Variants in EXOC3L2 observed in about 807,000 individuals in gnomAD.
The protein encoded by EXOC3L2 is exocyst complex component 3-like protein 2.
A neutral mutation model predicts 44.4 loss-of-function variants in EXOC3L2; 17 were observed. The observed-to-expected ratio is 0.38, with a 90% confidence interval of 0.26 to 0.57. The LOEUF is 0.57. EXOC3L2 is among the 20% of genes least tolerant of loss of function. The probability of loss-of-function intolerance (pLI) is 0.65; values close to 1 mark genes in which losing one functional copy is unlikely to be tolerated. For synonymous variants in EXOC3L2, 256 were observed against 253.7 expected (o/e 1.01, Z -0.09); for missense variants, 541 against 588.4 (o/e 0.92, Z 0.83).
chr19:45,215,382 G>A (rs1969821970), intron 11 of EXOC3L2, among the ~76,000 whole-genome samples: 1 of 151,956 alleles, frequency 6.6e-6, no homozygotes, highest in African/African-American at 2.4e-5. Flanking sequence ...GAGGTGGGAG[G>A]GCTGCTTGAG....
chr19:45,244,497 G>A (rs1970154384), intron 1 of EXOC3L2, among the ~76,000 whole-genome samples: 1 of 151,796 alleles, frequency 6.6e-6, no homozygotes, highest in Non-Finnish European at 1.5e-5. Context: ...TCCAACACCC[G>A]CCTCTGCAAA....
intron 10 of EXOC3L2, among the ~76,000 whole-genome samples, 175 bp from the exon 11 acceptor site, chr19:45,216,369 A>G (rs936918244): frequency 5.9e-5 from 9 of 152,258 alleles, no homozygotes; most frequent in Middle Eastern, 6.8e-3. Context: ...ACTAGAGGTC[A>G]GGACATCGAG....
At chr19:45,240,491 T>C (rs1475548065) in intron 1 of EXOC3L2, among the ~76,000 whole-genome samples, 2 of 152,064 alleles carry the variant, frequency 1.3e-5, no homozygotes, top group African/African-American at 2.4e-5. Flanking sequence ...GAGTGGCTGC[T>C]AATGGATGCA....
intron 8 of EXOC3L2, among the ~76,000 whole-genome samples, chr19:45,222,196 C>A (rs1969905089): frequency 6.7e-6 from 1 of 149,488 alleles, no homozygotes; most frequent in Non-Finnish European, 1.5e-5. Context: ...GGTTGTTTTT[C>A]TCTCCTTTTT....
chr19:45,236,185 G>A (rs187310041), intron 2 of EXOC3L2, among the ~76,000 whole-genome samples: 43 of 152,100 alleles, frequency 2.8e-4, no homozygotes, highest in African/African-American at 1.0e-3. Context: ...AAAGATTGAT[G>A]TGAAGGCCGA....
intron 4 of EXOC3L2, among the ~76,000 whole-genome samples, chr19:45,230,823 G>A (rs942263498): frequency 2.0e-5 from 3 of 151,632 alleles, no homozygotes; most frequent in African/African-American, 7.3e-5. Context: ...GGTGACTCAT[G>A]CTTATACTCC....
chr19:45,226,221 G>A (rs1418628629), intron 7 of EXOC3L2, among the ~76,000 whole-genome samples: 5 of 152,094 alleles, frequency 3.3e-5, no homozygotes, highest in South Asian at 2.1e-4. Flanking sequence ...TGGGTCAAGC[G>A]CCCAGTGTTT....
chr19:45,234,780 C>T lies in EXOC3L2; in HGVS notation c.570G>A (p.Ala190=). Residue 190 remains alanine, a synonymous_variant, in exon 3 of 12, where the codon GCG becomes GCA. Coordinates refer to ENST00000413988, the MANE Select transcript of EXOC3L2 (RefSeq NM_001382422.1). The surrounding 1 kb of genome is among the most constrained non-coding windows in gnomAD (Gnocchi z 5.0). ...SLIQQRELAR[A]DEHILELEAE... The stretch of plus-strand genomic sequence containing the variant: ...CCTCTAGCTCCAGGATGTGCTCGTC[C>T]GCACGCGCTAGTTCGCGCTGCTGGA... 2.5e-6 allele frequency: 1 copy of T among 396,460 alleles called. No individual in the cohort carries two copies. The highest frequency in any genetic ancestry group is 4.5e-6 in the Non-Finnish European group (1 of 224,638). The allele number at this position is 396,460 out of a possible 1,614,324, so 24.6% of individuals were successfully genotyped here.
In EXOC3L2 at chr19:45,228,255, C is replaced by A. The variant is rs1381077175; in HGVS notation, c.1281G>T (p.Arg427=). 2 of 1,614,016 alleles carry A rather than the reference C, an allele frequency of 1.2e-6. No homozygotes were observed. Among genetic ancestry groups the A allele is most frequent in the Non-Finnish European group, 1.7e-6 (2 of 1,180,006 alleles). ...CCTGCAGCACACGGAGAAGGGCAGC[C>A]CGGGTCTGAGCCTACAGTAGGGAGA... The part of the protein sequence containing the change: ...ECVTDVKAQT[R]AALLRVLQED... Residue 427 remains arginine (R), a synonymous_variant, in exon 5 of 12, where the codon CGG becomes CGT. Transcript: ENST00000413988.
intron 10 of EXOC3L2, among the ~76,000 whole-genome samples, 193 bp from the exon 11 acceptor site, chr19:45,216,387 TG>T (rs1363914827): frequency 4.6e-5 from 7 of 152,044 alleles, no homozygotes; most frequent in African/African-American, 1.7e-4. Flanking sequence ...GAGACCAACC[TG>T]GCCAGTATGG....
At chr19:45,213,418 C>T (rs1969800486) in intron 11 of EXOC3L2, 61 bp from the exon 12 acceptor site, 5 of 1,587,036 alleles carry the variant, frequency 3.2e-6, no homozygotes, top group Non-Finnish European at 4.3e-6. Flanking sequence ...ACACCCAACC[C>T]AGCCGTGGAC....
At chr19:45,216,032 G>A (rs375381519) in intron 11 of EXOC3L2, 41 bp downstream of exon 11, 17 of 1,607,558 alleles carry the variant, frequency 1.1e-5, no homozygotes, top group East Asian at 4.5e-5. Flanking sequence ...AGGAGACCTC[G>A]GCCAGGCACG....
Position 45,213,156 on chromosome 19 carries a change from G to A in EXOC3L2, c.2322C>T (p.Leu774=). ...TGGGCCTGGCCAGCCGGGAGAGGGG[G>A]AGGCGGCCCAGGAAGAGAGGGAGGC... ...CLSLPLFLGR[L]PLSRLARPSL... is the part of the protein sequence containing the mutation. Residue 774 remains leucine, a synonymous_variant, in exon 12 of 12, where the codon CTC becomes CTT. Transcript: ENST00000413988. 6.3e-7 allele frequency: 1 copy of A among 1,591,580 alleles called. No homozygotes were observed. Among genetic ancestry groups the A allele is most frequent in the Non-Finnish European group, 8.6e-7 (1 of 1,169,478 alleles).
intron 2 of EXOC3L2, among the ~76,000 whole-genome samples, chr19:45,238,000 A>G (rs1219503339): frequency 6.6e-6 from 1 of 151,980 alleles, no homozygotes; most frequent in Non-Finnish European, 1.5e-5. Flanking sequence ...AAAATTATCC[A>G]GGTGGCACAT....
At chr19:45,219,413 A>AAAAAAAG (rs1404154051) in intron 8 of EXOC3L2, among the ~76,000 whole-genome samples, 1 of 150,668 alleles carries the variant, frequency 6.6e-6, no homozygotes, top group Non-Finnish European at 1.5e-5. Flanking sequence ...AAAAAAAAAA[A>AAAAAAAG]AGAGAAAAAG....
chr19:45,227,343 G>C (rs769949405), intron 7 of EXOC3L2, among the ~76,000 whole-genome samples: 1 of 151,352 alleles, frequency 6.6e-6, no homozygotes, highest in African/African-American at 2.4e-5. Flanking sequence ...GGATGGTCTC[G>C]ATCTCCTGAC....
At chr19:45,242,423 T>A (rs1970137925) in intron 1 of EXOC3L2, among the ~76,000 whole-genome samples, 1 of 151,942 alleles carries the variant, frequency 6.6e-6, no homozygotes, top group Admixed American at 6.6e-5. Context: ...TTTTATTGTT[T>A]AATTTTTTGT....
intron 1 of EXOC3L2, among the ~76,000 whole-genome samples, chr19:45,244,740 C>G (rs1970156486): frequency 6.6e-6 from 1 of 152,142 alleles, no homozygotes; most frequent in African/African-American, 2.4e-5. Flanking sequence ...CCATCACCTC[C>G]AACGCTCAGC....
chr19:45,219,393 C>CAAAAAAAA (rs950797638), intron 8 of EXOC3L2, among the ~76,000 whole-genome samples: 614 of 51,472 alleles, frequency 0.012, 19 homozygotes, highest in African/African-American at 0.04. Context: ...GGCCCCGTCT[C>CAAAAAAAA]AAAAAAAAAA....
Sources: gnomAD v4.1 joint callset for allele counts (sites outside exome capture counted in the v4.1 genomes callset) on GRCh38, gnomAD v4.1.1 for gene constraint, Gnocchi (gnomAD v3.1) non-coding constraint, MANE v1.5 for transcripts, NCBI Gene and HGNC (gene_info 2026-07-23, HGNC 2026-07-21) for gene names.